The following CAPN14 variants were observed in gnomAD, a reference collection of about 807,000 sequenced individuals.
CAPN14 encodes calpain 14, also known as calpain-14.
A neutral mutation model predicts 101.3 loss-of-function variants in CAPN14; 94 were observed. That is an observed-to-expected ratio of 0.93 (90% CI 0.79 to 1.10). CAPN14 has a LOEUF of 1.10. Among genes scored for constraint, CAPN14 ranks in the 50% least tolerant of loss-of-function variants. The pLI, the probability that CAPN14 is intolerant of heterozygous loss-of-function variation, is 0.00. For synonymous variants in CAPN14, 338 were observed against 317.9 expected, an observed-to-expected ratio of 1.06 and a Z score of -0.67; for missense variants, 837 against 828.4, an observed-to-expected ratio of 1.01 and a Z score of -0.13.
At chr2:31,229,895 G>T (rs1292985631) in intron 1 of CAPN14, among the ~76,000 whole-genome samples, 1 of 152,024 alleles carries the variant, frequency 6.6e-6, no homozygotes, top group East Asian at 1.9e-4. Context: ...AGTGGTTTTT[G>T]CATGACCTGA....
At chr2:31,200,103 T>C (rs1225989554) in intron 6 of CAPN14, among the ~76,000 whole-genome samples, 1 of 152,048 alleles carries the variant, frequency 6.6e-6, no homozygotes, top group Admixed American at 6.6e-5. Flanking sequence ...TCCCGGGTTT[T>C]AGTGATTCTC....
chr2:31,210,289 A>G (rs1233014222), intron 1 of CAPN14, among the ~76,000 whole-genome samples: 1 of 137,758 alleles, frequency 7.3e-6, no homozygotes, highest in African/African-American at 2.7e-5. Context: ...TAAAAATGCA[A>G]AAAAAAAAAT....
chr2:31,220,041 G>A (rs927058047), upstream of CAPN14, among the ~76,000 whole-genome samples: 6 of 152,070 alleles, frequency 3.9e-5, no homozygotes, highest in African/African-American at 1.2e-4. Context: ...TTCAGGGCAC[G>A]GGAAAGCAAT....
rs544628010 is a variant in CAPN14 at position 31,205,478 on chromosome 2, T to C, written c.-31A>G. 1.0e-5 allele frequency: 15 copies of C among 1,504,208 alleles called. No homozygotes were observed. The East Asian group carries it at 3.0e-4, about 30-fold the overall frequency. 93.2% of individuals were successfully genotyped at this position (1,504,208 alleles called of 1,614,324 possible). A position where few individuals can be genotyped will look rare whatever the true frequency, so the allele number is the denominator to read the frequency against. On this transcript the variant is annotated 5_prime_UTR_variant, in exon 2 of 22. Coordinates refer to ENST00000403897, the MANE Select transcript of CAPN14 (RefSeq NM_001145122.2). ...GTGGTGGGTACAGTCCAGTGAGTCT[T>C]CCTGAGGAGTCTCTGCTGCTCCTGA...
In CAPN14 at chr2:31,201,914, A is replaced by T. The variant is rs751836103; in HGVS notation, c.499T>A (p.Ser167Thr). ...NEAGQLVFVS[S>T]TYKNLFWGAL... is the part of the protein sequence containing the mutation. The stretch of plus-strand genomic sequence containing the variant: ...CCCCAGAACAAGTTCTTATAGGTGG[A>T]GGAGACAAAGACCAGCTGGCCAGCC... The change falls in exon 5 of 22, where the codon TCC (serine) becomes ACC (threonine). Residue 167 changes from serine (S) to threonine (T), a missense_variant. Ser to Thr is a moderately conservative substitution (Grantham distance 58). Transcript: ENST00000403897. 12 of 1,551,524 alleles carry T rather than the reference A, an allele frequency of 7.7e-6. No homozygotes were observed. Among genetic ancestry groups the T allele is most frequent in the Non-Finnish European group, 1.0e-5 (12 of 1,146,984 alleles).
chr2:31,207,607 A>T (rs989714188), intron 1 of CAPN14, among the ~76,000 whole-genome samples: 2 of 152,068 alleles, frequency 1.3e-5, no homozygotes, highest in African/African-American at 4.8e-5. Context: ...GTCTACATAA[A>T]AATACAAAAA....
Position 31,174,508 on chromosome 2 carries a change from T to G in CAPN14, c.*173A>C. On this transcript the variant is annotated 3_prime_UTR_variant, in exon 22 of 22. Transcript: ENST00000403897. ...CTTCCTCCCTTCCCTTTCTGCATGC[T>G]GGCCATGCACGGGGAGGGCTGCAGA... 1.6e-6 allele frequency: 1 copy of G among 641,102 alleles called. No individual in the cohort carries two copies. The highest frequency in any genetic ancestry group is 1.9e-5 in the South Asian group (1 of 52,818). The allele number at this position is 641,102 out of a possible 1,614,324, so 39.7% of individuals were successfully genotyped here.
intron 19 of CAPN14, 61 bp from the exon 20 acceptor site, chr2:31,177,203 C>T: frequency 1.8e-6 from 2 of 1,112,088 alleles, no homozygotes; most frequent in Non-Finnish European, 2.6e-6. Flanking sequence ...TCCCCTCCTG[C>T]TCAAGGCCCC....
chr2:31,185,627 G>C (rs1408755934), intron 16 of CAPN14, among the ~76,000 whole-genome samples: 1 of 152,146 alleles, frequency 6.6e-6, no homozygotes, highest in Non-Finnish European at 1.5e-5. Flanking sequence ...ACAATTCCTA[G>C]AGTCTTCCCT....
In CAPN14 at chr2:31,201,852, G is replaced by A. The variant is rs532338247; in HGVS notation, c.551+10C>T. On this transcript the variant is annotated intron_variant, in intron 5 of 21. Coordinates refer to ENST00000403897, the MANE Select transcript of CAPN14 (RefSeq NM_001145122.2). The stretch of plus-strand genomic sequence containing the variant: ...CGATGGGAAGGGGGATATTTCTGCC[G>A]GTTTCTTACTTGGCATAGGCCTTTT... 100 of 1,549,650 alleles carry A rather than the reference G, an allele frequency of 6.5e-5. No homozygotes were observed. The highest frequency in any genetic ancestry group is 6.1e-4 in the East Asian group (25 of 40,836).
At chr2:31,181,613 C>T (rs144916082) in intron 16 of CAPN14, among the ~76,000 whole-genome samples, 28 of 148,344 alleles carry the variant, frequency 1.9e-4, no homozygotes, top group Non-Finnish European at 2.8e-4. Flanking sequence ...TGCTGGTGTG[C>T]TGCACCCATT....
Position 31,194,484 on chromosome 2 carries a change from C to T in CAPN14, c.876-1G>A. ...GCTCAGCAGCTCCCATTTACTTGAA[C>T]TGAAAATAGAAAAGGGAATGAAAAG... On this transcript the variant is annotated splice_acceptor_variant, in intron 8 of 21. Transcript: ENST00000403897. LOFTEE classifies it high-confidence loss of function. The T allele has an allele frequency of 6.5e-7, 1 of 1,549,744 alleles. No homozygotes were observed.
chr2:31,199,104 T>C (rs1214623607), intron 7 of CAPN14, among the ~76,000 whole-genome samples: 1 of 152,138 alleles, frequency 6.6e-6, no homozygotes, highest in Non-Finnish European at 1.5e-5. Context: ...TGGATAGCAA[T>C]GGAGACTGTC....
intron 21 of CAPN14, among the ~76,000 whole-genome samples, chr2:31,176,093 G>A (rs778725009): frequency 2.0e-4 from 31 of 152,318 alleles, no homozygotes; most frequent in Non-Finnish European, 1.8e-4. Flanking sequence ...ACTTGCAGGC[G>A]TGCCAGATTG....
upstream of CAPN14, among the ~76,000 whole-genome samples, chr2:31,220,886 G>A (rs988692671): frequency 6.6e-6 from 1 of 152,286 alleles, no homozygotes; most frequent in Admixed American, 6.5e-5. Flanking sequence ...ACAAGGAGAA[G>A]AGAAGGGCTT....
chr2:31,210,485 A>AATAAAATAAG (rs1247581915), intron 1 of CAPN14, among the ~76,000 whole-genome samples: 3 of 122,818 alleles, frequency 2.4e-5, no homozygotes, highest in African/African-American at 8.3e-5. Context: ...AATAAAATAA[A>AATAAAATAAG]ATAAAAGTTC....
chr2:31,206,303 C>T (rs936726944), intron 1 of CAPN14, among the ~76,000 whole-genome samples: 9 of 152,152 alleles, frequency 5.9e-5, no homozygotes, highest in African/African-American at 1.4e-4. Context: ...GCACAGGGTG[C>T]GTGGGTCTCT....
At chr2:31,177,896 G>T in intron 18 of CAPN14, 75 bp from the exon 19 acceptor site, 5 of 1,042,910 alleles carry the variant, frequency 4.8e-6, no homozygotes, top group Non-Finnish European at 7.3e-6. Context: ...TGTGCCCCTT[G>T]TCAGCACCGC....
rs774118260 is a variant in CAPN14, at chr2:31,203,052, G to C, written c.295+18C>G. 1.3e-6 allele frequency: 2 copies of C among 1,549,546 alleles called. No homozygotes were observed. The highest frequency in any genetic ancestry group is 1.7e-6 in the Non-Finnish European group (2 of 1,145,242). ...GCAGGCAGCCTAGTGTCTGTCTCTC[G>C]GGGCTGTGCAAACTTACCTACTATC... On this transcript the variant is annotated intron_variant, in intron 3 of 21. Transcript: ENST00000403897.
Sources: allele counts gnomAD v4.1 joint callset (sites outside exome capture counted in the v4.1 genomes callset), GRCh38; gene constraint gnomAD v4.1.1; transcripts MANE v1.5; gene names NCBI Gene and HGNC (gene_info 2026-07-23, HGNC 2026-07-21).